MON2: variants seen among roughly 807,000 people sequenced by gnomAD.
MON2 encodes MON2 regulator of endosome-to-Golgi trafficking.
MON2 carries 84 observed loss-of-function variants against 208.6 expected under a neutral mutation model. The observed-to-expected ratio is 0.40, with a 90% CI of 0.34 to 0.48. The LOEUF is 0.48. Among genes scored for constraint, MON2 ranks in the 20% least tolerant of loss-of-function variants. The pLI is 0.59. For synonymous variants in MON2, 660 were observed against 694.0 expected, an observed-to-expected ratio of 0.95 and a Z score of 0.77; for missense variants, 1,611 against 2,015.4, an observed-to-expected ratio of 0.80 and a Z score of 3.84.
Position 62,556,061 on chromosome 12 carries a change from C to A in MON2, c.3278C>A (p.Ser1093Tyr). The change falls in exon 25 of 35, where the codon TCT (serine) becomes TAT (tyrosine). Residue 1093 changes from serine (S) to tyrosine (Y), a missense_variant. Transcript: ENST00000393630. ...STTADKEKIE[S>Y]GGGNILIHHS... ...ACTGCAGACAAAGAAAAGATTGAGT[C>A]TGGAGGTGGCAATATTCTCATTCAT... is the stretch of plus-strand genomic sequence containing the variant. The A allele has an allele frequency of 6.2e-7, 1 of 1,613,750 alleles. No individual in the cohort carries two copies. The highest frequency in any genetic ancestry group is 8.5e-7 in the Non-Finnish European group (1 of 1,179,882).
chr12:62,471,743 A>C (rs1355062638), intron 1 of MON2, among the ~76,000 whole-genome samples: 2 of 152,222 alleles, frequency 1.3e-5, no homozygotes, highest in Non-Finnish European at 2.9e-5. Context: ...GACTGAGGTT[A>C]AAGATACAGG....
chr12:62,489,345 C>G (rs1241932572), intron 2 of MON2, among the ~76,000 whole-genome samples: 1 of 151,872 alleles, frequency 6.6e-6, no homozygotes, highest in Admixed American at 6.6e-5. Flanking sequence ...CATTTTTTCC[C>G]TGTATTAAAT....
intron 1 of MON2, among the ~76,000 whole-genome samples, chr12:62,479,770 ATCTTCTTT>A (rs2069301387): frequency 2.6e-5 from 4 of 152,086 alleles, no homozygotes; most frequent in Admixed American, 2.6e-4. Context: ...AACTTTTTTC[ATCTTCTTT>A]TCTTCTTTTT....
intron 1 of MON2, among the ~76,000 whole-genome samples, chr12:62,476,639 G>A (rs56079604): frequency 0.02 from 3,088 of 152,098 alleles, 104 homozygotes; most frequent in African/African-American, 0.071. Context: ...GTTTCACTAT[G>A]TTGGCCAGGC....
chr12:62,487,355 G>T (rs1005628935), intron 2 of MON2, among the ~76,000 whole-genome samples: 1 of 151,934 alleles, frequency 6.6e-6, no homozygotes, highest in African/African-American at 2.4e-5. Context: ...TACATAATCT[G>T]CTTTTTGCAT....
At chr12:62,486,849 CAT>C (rs2069826573) in intron 2 of MON2, among the ~76,000 whole-genome samples, 1 of 152,078 alleles carries the variant, frequency 6.6e-6, no homozygotes, top group Admixed American at 6.6e-5. Flanking sequence ...ATTGAAATCT[CAT>C]ATGTCTCTGT....
At chr12:62,515,525 A>C (rs1019130240) in intron 8 of MON2, among the ~76,000 whole-genome samples, 1 of 152,192 alleles carries the variant, frequency 6.6e-6, no homozygotes, top group Non-Finnish European at 1.5e-5. Flanking sequence ...AAGATAAAAA[A>C]GTTCTAGAGC....
At chr12:62,487,925 C>T (rs751694938) in intron 2 of MON2, among the ~76,000 whole-genome samples, 11 of 152,080 alleles carry the variant, frequency 7.2e-5, no homozygotes, top group Non-Finnish European at 1.0e-4. Context: ...TTTTGAAGAC[C>T]TTTTCTAGAA....
intron 24 of MON2, among the ~76,000 whole-genome samples, chr12:62,554,407 A>G (rs1218066430): frequency 2.6e-5 from 4 of 152,164 alleles, no homozygotes; most frequent in African/African-American, 7.2e-5. Context: ...TTGAATTTCT[A>G]TCAAGTTCCT....
At chr12:62,522,598 A>G (rs2072107421) in intron 8 of MON2, among the ~76,000 whole-genome samples, 2 of 152,210 alleles carry the variant, frequency 1.3e-5, no homozygotes, top group Non-Finnish European at 2.9e-5. Context: ...ATCACCCTTC[A>G]TGTTGGTATA....
At position 62,580,297 on chromosome 12, in the gene MON2, G is replaced by A; in HGVS notation, c.4576G>A (p.Val1526Ile). Residue 1526 changes from valine to isoleucine, a missense_variant and splice_region_variant, in exon 32 of 35, where the codon GTA becomes ATA. Physicochemically the swap from Val to Ile is conservative, Grantham distance 29. Transcript: ENST00000393630. ...FQRNENIDVEVVQLISNEILP... is the reference protein window; with the variant it reads ...FQRNENIDVEIVQLISNEILP... ...TTTGCATTTGCCTCTTTTGTTTTAG[G>A]TAGTTCAACTTATCAGCAATGAGAT... 6.2e-7 allele frequency: 1 copy of A among 1,608,816 alleles called. No individual in the cohort carries two copies. The highest frequency in any genetic ancestry group is 1.1e-5 in the South Asian group (1 of 90,002).
intron 33 of MON2, among the ~76,000 whole-genome samples, chr12:62,586,845 A>T (rs1461448005): frequency 2.6e-5 from 4 of 152,096 alleles, no homozygotes; most frequent in Admixed American, 6.6e-5. Flanking sequence ...TAATGTTCTA[A>T]GTCTTTACTT....
intron 30 of MON2, among the ~76,000 whole-genome samples, chr12:62,574,502 T>C (rs1167642222): frequency 6.6e-6 from 1 of 152,122 alleles, no homozygotes; most frequent in Non-Finnish European, 1.5e-5. Flanking sequence ...TCAGCCTCTC[T>C]TGTAGCTCGG....
intron 7 of MON2, among the ~76,000 whole-genome samples, chr12:62,504,172 T>C (rs896781660): frequency 6.6e-6 from 1 of 152,028 alleles, no homozygotes; most frequent in African/African-American, 2.4e-5. Context: ...AAAATTTTTA[T>C]GTTTGGGTCA....
At chr12:62,528,275 A>C (rs2072442383) in intron 11 of MON2, among the ~76,000 whole-genome samples, 2 of 152,196 alleles carry the variant, frequency 1.3e-5, no homozygotes, top group African/African-American at 4.8e-5. Context: ...GCATATGTAT[A>C]CATCTTGATT....
chr12:62,490,762 T>C (rs10784300), intron 2 of MON2, among the ~76,000 whole-genome samples: 102,121 of 151,740 alleles, frequency 0.67, 34,606 homozygotes, highest in African/African-American at 0.77. Flanking sequence ...TGATTATTCT[T>C]ATATAAATTA....
intron 1 of MON2, among the ~76,000 whole-genome samples, chr12:62,468,132 C>T (rs957615232): frequency 2.0e-5 from 3 of 149,752 alleles, no homozygotes; most frequent in Non-Finnish European, 4.4e-5. Context: ...TGCTTTTTCT[C>T]TTAAAATGCC....
intron 3 of MON2, 56 bp from the exon 4 acceptor site, chr12:62,494,960 G>T (rs1448226576): frequency 9.2e-6 from 12 of 1,299,190 alleles, no homozygotes; most frequent in Non-Finnish European, 1.3e-5. Context: ...TCTTATTTAG[G>T]GACATCAACA....
intron 30 of MON2, among the ~76,000 whole-genome samples, chr12:62,571,959 A>G (rs918591066): frequency 6.6e-6 from 1 of 152,270 alleles, no homozygotes; most frequent in Non-Finnish European, 1.5e-5. Flanking sequence ...GAGTGGCAAT[A>G]TAATGATCAG....
Sources: gnomAD v4.1 joint callset for allele counts (sites outside exome capture counted in the v4.1 genomes callset) on GRCh38, gnomAD v4.1.1 for gene constraint, MANE v1.5 for transcripts, NCBI Gene and HGNC (gene_info 2026-07-23, HGNC 2026-07-21) for gene names.